The following LRRC57 variants were observed in gnomAD, a reference collection of about 807,000 sequenced individuals.
LRRC57 encodes the protein leucine-rich repeat-containing protein 57.
Under a neutral mutation model 23.1 loss-of-function variants are expected in LRRC57, and 14 were observed. The observed-to-expected ratio is 0.61, with a 90% CI of 0.40 to 0.95. The LOEUF is 0.95. LRRC57 is among the 40% of genes least tolerant of loss of function. LRRC57 has a pLI of 0.00. For missense variants in LRRC57, 236 were observed against 284.4 expected, an observed-to-expected ratio of 0.83 and a Z score of 1.22; for synonymous variants, 106 against 115.2, an observed-to-expected ratio of 0.92 and a Z score of 0.51.
the LRRC57 span, chr15:42,528,341 T>C: frequency 1.9e-6 from 3 of 1,614,078 alleles, no homozygotes; most frequent in Non-Finnish European, 1.7e-6. Context: ...CAATGTAGTA[T>C]CTAAACAGCC....
chr15:42,536,335 A>G (rs942655609), downstream of LRRC57, among the ~76,000 whole-genome samples: 1 of 152,248 alleles, frequency 6.6e-6, no homozygotes, highest in Non-Finnish European at 1.5e-5. Flanking sequence ...AGGTATGCCT[A>G]TAATTCCTAC....
chr15:42,535,413 G>T (rs982310507), downstream of LRRC57, among the ~76,000 whole-genome samples: 1 of 151,796 alleles, frequency 6.6e-6, no homozygotes, highest in Non-Finnish European at 1.5e-5. Context: ...TTGGTTAACC[G>T]GCGTAAGAGG....
chr15:42,545,005 T>C (rs897684120), intron 5 of LRRC57, 72 bp downstream of exon 5: 75 of 1,179,330 alleles, frequency 6.4e-5, no homozygotes, highest in Non-Finnish European at 8.3e-5. Flanking sequence ...GCTATAAACA[T>C]TTCTGTGGAT....
At chr15:42,534,811 C>CT (rs1387397817), downstream of LRRC57, among the ~76,000 whole-genome samples, 2 of 152,104 alleles carry the variant, frequency 1.3e-5, no homozygotes, top group Non-Finnish European at 2.9e-5. Flanking sequence ...GAAAAGAATA[C>CT]TTTTTTTTCT....
rs930398695 is a variant in LRRC57, at chr15:42,538,046, G to T, written c.*6037C>A. The T allele has an allele frequency of 6.6e-6, 1 of 152,128 alleles. No homozygotes were observed. Among genetic ancestry groups the T allele is most frequent in the Non-Finnish European group, 1.5e-5 (1 of 68,012 alleles). The allele number at this position is 152,128 out of a possible 1,614,324, so 9.4% of individuals were successfully genotyped here. On this transcript the variant is annotated 3_prime_UTR_variant, in exon 6 of 6. Transcript: ENST00000397130. Reference sequence around the variant, plus strand: ...AAGTTTCAAAATGGCTAGAAGATTTGAAATGTTCCCAACACAAACAAATGA... The same window carrying T: ...AAGTTTCAAAATGGCTAGAAGATTTTAAATGTTCCCAACACAAACAAATGA...
chr15:42,547,754 T>A, intron 3 of LRRC57: 1 of 555,584 alleles, frequency 1.8e-6, no homozygotes, highest in Non-Finnish European at 3.1e-6. Context: ...GCTCCTTTTG[T>A]AAAGGGGCCC....
chr15:42,528,620 G>A, the LRRC57 span, among the ~76,000 whole-genome samples: 4 of 152,116 alleles, frequency 2.6e-5, no homozygotes, highest in Admixed American at 2.6e-4. Flanking sequence ...GAGTCTTGCT[G>A]TGTTGCCCAG....
At position 42,548,712 on chromosome 15, in the gene LRRC57, G is replaced by T. The variant is rs886916628; in HGVS notation, c.-42C>A. 3 of 636,042 alleles carry T rather than the reference G, an allele frequency of 4.7e-6. No individual in the cohort carries two copies. Among genetic ancestry groups the T allele is most frequent in the Non-Finnish European group, 8.1e-6 (3 of 369,428 alleles). 39.4% of individuals were successfully genotyped at this position (636,042 alleles called of 1,614,324 possible). A position where few individuals can be genotyped will look rare whatever the true frequency, so the allele number is the denominator to read the frequency against. On this transcript the variant is annotated 5_prime_UTR_variant, in exon 1 of 6. Transcript: ENST00000397130. ...ACTCGCCTCCCACCGCTCAGCTGCCGTAAGGCTCCGCAGGTGAAGACCCAG... is the reference window on the plus strand; with the variant it reads ...ACTCGCCTCCCACCGCTCAGCTGCCTTAAGGCTCCGCAGGTGAAGACCCAG...
rs1439219189 is a variant in LRRC57, at chr15:42,540,347, C to G, written c.*3736G>C. ...TCTAAAAAACAAAACCTTAATTTAG[C>G]ATGCATCAAATACTATGTTGAATCT... is the stretch of plus-strand genomic sequence containing the variant. On this transcript the variant is annotated 3_prime_UTR_variant, in exon 6 of 6. Coordinates refer to ENST00000397130, the MANE Select transcript of LRRC57 (RefSeq NM_153260.3). 1 of 152,118 alleles carries G rather than the reference C, an allele frequency of 6.6e-6. No individual in the cohort carries two copies. The highest frequency in any genetic ancestry group is 2.4e-5 in the African/African-American group (1 of 41,404). The allele number at this position is 152,118 out of a possible 1,614,324, so 9.4% of individuals were successfully genotyped here.
At chr15:42,547,614 C>G (rs2057666998) in intron 3 of LRRC57, 85 bp from the exon 4 acceptor site, 11 of 1,220,908 alleles carry the variant, frequency 9.0e-6, no homozygotes, top group South Asian at 7.3e-5. Context: ...ATATGGCAGC[C>G]TGCTTCGCCT....
intron 5 of LRRC57, 31 bp from the exon 6 acceptor site, chr15:42,544,155 AT>A: frequency 1.9e-6 from 3 of 1,571,950 alleles, no homozygotes; most frequent in South Asian, 2.3e-5. Flanking sequence ...CATAAGGGGT[AT>A]TTTGGCATGA....
chr15:42,548,237 G>A lies in LRRC57; in HGVS notation c.92C>T (p.Ala31Val). The A allele has an allele frequency of 6.2e-7, 1 of 1,614,222 alleles. No individual in the cohort carries two copies. The highest frequency in any genetic ancestry group is 8.5e-7 in the Non-Finnish European group (1 of 1,180,034). The change falls in exon 3 of 6, where the codon GCA (alanine) becomes GTA (valine). Residue 31 changes from alanine to valine, a missense_variant. Physicochemically the swap from Ala to Val is moderately conservative, Grantham distance 64. Transcript: ENST00000397130. Reference sequence around the variant, plus strand: ...ATTGCTCGTCAGCTTCTGCAAGTCTGCGGGGAACTGGAGAAAGGAGTTCAC... The same window carrying A: ...ATTGCTCGTCAGCTTCTGCAAGTCTACGGGGAACTGGAGAAAGGAGTTCAC... ...LKDRGLTEFP[A>V]DLQKLTSNLR...
Position 42,540,622 on chromosome 15 carries a change from G to A in LRRC57, c.*3461C>T, listed in dbSNP as rs2057623954. The A allele has an allele frequency of 6.6e-6, 1 of 152,202 alleles. No individual in the cohort carries two copies. Among genetic ancestry groups the A allele is most frequent in the Non-Finnish European group, 1.5e-5 (1 of 68,054 alleles). The allele number at this position is 152,202 out of a possible 1,614,324, so 9.4% of individuals were successfully genotyped here. A position where few individuals can be genotyped will look rare whatever the true frequency, so the allele number is the denominator to read the frequency against. ...GGGTGGGCAGGCAAATGAGAGTGAA[G>A]AAAGGGCAATAAGTCTAGGCCCAAA... is the stretch of plus-strand genomic sequence containing the variant. On this transcript the variant is annotated 3_prime_UTR_variant, in exon 6 of 6. Coordinates refer to ENST00000397130, the MANE Select transcript of LRRC57 (RefSeq NM_153260.3).
At chr15:42,547,985 G>C (rs2057670678) in intron 3 of LRRC57, 121 bp downstream of exon 3, 1 of 930,562 alleles carries the variant, frequency 1.1e-6, no homozygotes, top group Non-Finnish European at 1.6e-6. Context: ...AAGGATTCCG[G>C]CATTCGCAAC....
At chr15:42,537,726 T>C (rs2057607744), downstream of LRRC57, 1 of 152,140 alleles carries the variant, frequency 6.6e-6, no homozygotes, top group African/African-American at 2.4e-5. Context: ...TGAAATCCTA[T>C]TGTTTGCAGT....
At chr15:42,544,222 G>A in intron 5 of LRRC57, 98 bp from the exon 6 acceptor site, 4 of 909,178 alleles carry the variant, frequency 4.4e-6, no homozygotes, top group South Asian at 1.7e-5. Flanking sequence ...TATTGCATGT[G>A]GTTTTTCATT....
intron 5 of LRRC57, among the ~76,000 whole-genome samples, chr15:42,544,842 C>CACTATATATATATATATATATATATATA: frequency 2.0e-5 from 2 of 98,048 alleles, no homozygotes; most frequent in African/African-American, 1.3e-4. Context: ...CACACACACA[C>CACTATATATATATATATATATATATATA]TATATATATA....
Position 42,548,682 on chromosome 15 carries a change from C to T in LRRC57, c.-23+11G>A. 4.8e-6 allele frequency: 3 copies of T among 621,070 alleles called. No homozygotes were observed. Among genetic ancestry groups the T allele is most frequent in the Admixed American group, 2.9e-5 (1 of 33,946 alleles). The allele number at this position is 621,070 out of a possible 1,614,324, so 38.5% of individuals were successfully genotyped here. On this transcript the variant is annotated intron_variant, in intron 1 of 5. Transcript: ENST00000397130. ...GGGAGCCTACGGAAGATCAGGGAGC[C>T]CCGGACTCGCCTCCCACCGCTCAGC...
the LRRC57 span, chr15:42,531,630 T>C: frequency 2.5e-5 from 13 of 521,310 alleles, no homozygotes; most frequent in East Asian, 3.2e-5. Flanking sequence ...CCTCCTTCTT[T>C]TTTGTTTTCT....
Sources: allele counts gnomAD v4.1 joint callset (sites outside exome capture counted in the v4.1 genomes callset), GRCh38; gene constraint gnomAD v4.1.1; transcripts MANE v1.5; gene names NCBI Gene and HGNC (gene_info 2026-07-23, HGNC 2026-07-21).